Variants in PTGER4 observed in about 807,000 individuals in gnomAD.
PTGER4 encodes the protein prostaglandin E receptor 4, also known as prostaglandin E2 receptor EP4 subtype.
Under a neutral mutation model 33.2 loss-of-function variants are expected in PTGER4, and 11 were observed. The observed-to-expected ratio is 0.33, with a 90% CI of 0.21 to 0.55. The LOEUF (loss-of-function observed/expected upper bound fraction) is 0.55, where lower values mean the gene tolerates loss of function less well. PTGER4 is among the 20% of genes least tolerant of loss of function. The pLI is 0.92. For missense variants in PTGER4, 481 were observed against 650.2 expected, an observed-to-expected ratio of 0.74 and a Z score of 2.83; for synonymous variants, 275 against 281.5, an observed-to-expected ratio of 0.98 and a Z score of 0.23.
At chr5:40,709,928 A>C in the PTGER4 span, among the ~76,000 whole-genome samples, 76 of 152,366 alleles carry the variant, frequency 5.0e-4, no homozygotes, top group African/African-American at 1.8e-3. Flanking sequence ...AATTAATTCA[A>C]GATGGATTAA....
chr5:40,718,086 A>G, the PTGER4 span, among the ~76,000 whole-genome samples: 5 of 151,858 alleles, frequency 3.3e-5, no homozygotes, highest in Non-Finnish European at 7.4e-5. Flanking sequence ...ATTGCACATA[A>G]TCTACAGATT....
downstream of PTGER4, among the ~76,000 whole-genome samples, chr5:40,695,505 G>A (rs1375330846): frequency 2.6e-5 from 4 of 151,644 alleles, no homozygotes; most frequent in South Asian, 2.1e-4. Flanking sequence ...GAGATCGTGC[G>A]ACTGAACTCT....
chr5:40,681,322 T>C lies in PTGER4; in HGVS notation c.329T>C (p.Ile110Thr), dbSNP rs1002158192. The part of the protein sequence containing the change: ...LFFSLSGLSI[I>T]CAMSVERYLA... ...TTCAGCCTGTCCGGCCTCAGCATCA[T>C]CTGCGCCATGAGTGTCGAGCGCTAC... The change falls in exon 2 of 3, where the codon ATC (isoleucine) becomes ACC (threonine). Residue 110 changes from isoleucine (I) to threonine (T), a missense_variant. Ile to Thr is a moderately conservative substitution (Grantham distance 89). This residue lies in a region of PTGER4 where 61 missense variants were observed against 145.2 expected (regional missense o/e 0.42). Transcript: ENST00000302472. The surrounding 1 kb of genome is among the most constrained non-coding windows in gnomAD (Gnocchi z 9.8). 5 of 1,614,082 alleles carry C rather than the reference T, an allele frequency of 3.1e-6. No homozygotes were observed. In the African/African-American group the frequency reaches 5.3e-5, roughly 17 times the overall value.
the PTGER4 span, among the ~76,000 whole-genome samples, chr5:40,700,203 T>C: frequency 1.3e-5 from 2 of 152,178 alleles, no homozygotes; most frequent in South Asian, 4.1e-4. Context: ...GCATCAAAAA[T>C]GTGAAATATT....
downstream of PTGER4, among the ~76,000 whole-genome samples, chr5:40,695,448 AGG>A (rs1261151256): frequency 6.6e-6 from 1 of 152,050 alleles, no homozygotes; most frequent in Non-Finnish European, 1.5e-5. Flanking sequence ...AGGCTGAGTG[AGG>A]CAGGAGAATC....
At chr5:40,686,692 G>C (rs1486351157) in intron 2 of PTGER4, among the ~76,000 whole-genome samples, 1 of 152,040 alleles carries the variant, frequency 6.6e-6, no homozygotes, top group Non-Finnish European at 1.5e-5. Context: ...CACTGCTCCT[G>C]AGCCCTAATC....
chr5:40,708,026 A>C, the PTGER4 span, among the ~76,000 whole-genome samples: 2 of 152,226 alleles, frequency 1.3e-5, no homozygotes, highest in Non-Finnish European at 2.9e-5. Flanking sequence ...GGACACATTT[A>C]AAGCAGTGTG....
Position 40,693,468 on chromosome 5 carries a change from G to C in PTGER4, c.*1090G>C. The C allele has an allele frequency of 1.0e-6, 1 of 985,904 alleles. No homozygotes were observed. The highest frequency in any genetic ancestry group is 1.2e-6 in the Non-Finnish European group (1 of 829,910). The allele number at this position is 985,904 out of a possible 1,614,324, so 61.1% of individuals were successfully genotyped here. ...TTGAGATGTAAAAAGATTCCCAAACGTGGTTACATTAGCCATTCATGTATG... is the reference window on the plus strand; with the variant it reads ...TTGAGATGTAAAAAGATTCCCAAACCTGGTTACATTAGCCATTCATGTATG... On this transcript the variant is annotated 3_prime_UTR_variant, in exon 3 of 3. Transcript: ENST00000302472.
chr5:40,710,934 G>T, the PTGER4 span, among the ~76,000 whole-genome samples: 1 of 152,076 alleles, frequency 6.6e-6, no homozygotes, highest in Non-Finnish European at 1.5e-5. Flanking sequence ...TTGTGTGGTG[G>T]GGGGAAAGGG....
At chr5:40,720,665 A>G in the PTGER4 span, among the ~76,000 whole-genome samples, 1 of 152,170 alleles carries the variant, frequency 6.6e-6, no homozygotes, top group African/African-American at 2.4e-5. Flanking sequence ...CAATTCAGCA[A>G]CAATTCACAA....
At chr5:40,726,199 A>G in the PTGER4 span, among the ~76,000 whole-genome samples, 1 of 140,098 alleles carries the variant, frequency 7.1e-6, no homozygotes, top group African/African-American at 2.8e-5. Context: ...AATGTATACC[A>G]TATACATACA....
At chr5:40,737,257 A>C in the PTGER4 span, among the ~76,000 whole-genome samples, 1 of 151,912 alleles carries the variant, frequency 6.6e-6, no homozygotes, top group South Asian at 2.1e-4. Context: ...AGATCGTGCT[A>C]CTGCACTCCA....
At chr5:40,722,272 G>C in the PTGER4 span, among the ~76,000 whole-genome samples, 2 of 152,174 alleles carry the variant, frequency 1.3e-5, no homozygotes, top group African/African-American at 4.8e-5. Context: ...CCACCTCCCA[G>C]CCGCCTGCCT....
chr5:40,698,108 AAAAAAAAAAAAC>A (rs1367073237), downstream of PTGER4, among the ~76,000 whole-genome samples: 10 of 145,418 alleles, frequency 6.9e-5, no homozygotes, highest in Admixed American at 2.1e-4. Flanking sequence ...AAAAAAAAAA[AAAAAAAAAAAAC>A]CATGAAAAAT....
downstream of PTGER4, among the ~76,000 whole-genome samples, chr5:40,695,415 T>C (rs10064175): frequency 0.67 from 101,907 of 151,894 alleles, 34,335 homozygotes; most frequent in East Asian, 0.8. Flanking sequence ...TGGTGGCGGG[T>C]GCCTGTAGTC....
chr5:40,689,594 G>T (rs1404578908), intron 2 of PTGER4, among the ~76,000 whole-genome samples: 1 of 151,902 alleles, frequency 6.6e-6, no homozygotes, highest in Non-Finnish European at 1.5e-5. Context: ...TCAATGAATC[G>T]CCTTTTCCGT....
At chr5:40,725,871 C>T in the PTGER4 span, among the ~76,000 whole-genome samples, 3 of 150,958 alleles carry the variant, frequency 2.0e-5, no homozygotes, top group Admixed American at 1.3e-4. Context: ...CTGCAAGCTC[C>T]GCCTCCCAGG....
At chr5:40,708,662 A>T in the PTGER4 span, among the ~76,000 whole-genome samples, 17 of 152,286 alleles carry the variant, frequency 1.1e-4, no homozygotes, top group Admixed American at 7.2e-4. Context: ...AAAAGAGGGA[A>T]TCCTCCCTAA....
Position 40,680,880 on chromosome 5 carries a change from G to A in PTGER4, c.-43-71G>A, listed in dbSNP as rs1200529581. 7.6e-7 allele frequency: 1 copy of A among 1,314,292 alleles called. No individual in the cohort carries two copies. The highest frequency in any genetic ancestry group is 1.5e-5 in the African/African-American group (1 of 67,766). 81.4% of individuals were successfully genotyped at this position (1,314,292 alleles called of 1,614,324 possible). Reference sequence around the variant, plus strand: ...GTCTTATCAGTGTATCGTTTCTCGGGCGCGGGTCTAACACCTTACAAGTGG... The same window carrying A: ...GTCTTATCAGTGTATCGTTTCTCGGACGCGGGTCTAACACCTTACAAGTGG... On this transcript the variant is annotated intron_variant, in intron 1 of 2. Transcript: ENST00000302472. This position sits in a 1 kb window ranked among gnomAD's most constrained non-coding sequence, Gnocchi z 5.5.
Sources: gnomAD v4.1 joint callset for allele counts (sites outside exome capture counted in the v4.1 genomes callset) on GRCh38, gnomAD v4.1.1 for gene constraint, gnomAD v4.1.1 regional missense constraint, Gnocchi (gnomAD v3.1) non-coding constraint, MANE v1.5 for transcripts, NCBI Gene and HGNC (gene_info 2026-07-23, HGNC 2026-07-21) for gene names.